Variants in SRPK1 observed in about 807,000 individuals in gnomAD.
SRPK1 encodes SFRS protein kinase 1.
Under a neutral mutation model 89.5 loss-of-function variants are expected in SRPK1, and 52 were observed. The observed-to-expected ratio is 0.58, with a 90% CI of 0.46 to 0.73. The LOEUF (loss-of-function observed/expected upper bound fraction) is 0.73, where lower values mean the gene tolerates loss of function less well. Among genes scored for constraint, SRPK1 ranks in the 30% least tolerant of loss-of-function variants. The pLI is 0.00. For missense variants in SRPK1, 603 were observed against 780.6 expected, an observed-to-expected ratio of 0.77 and a Z score of 2.71; for synonymous variants, 255 against 270.2, an observed-to-expected ratio of 0.94 and a Z score of 0.55.
chr6:35,864,025 T>C (rs1371912183), intron 12 of SRPK1, among the ~76,000 whole-genome samples: 3 of 152,242 alleles, frequency 2.0e-5, no homozygotes, highest in Admixed American at 2.0e-4. Flanking sequence ...TCTCTCGTAA[T>C]ACATAAAAAT....
At chr6:35,879,325 C>T (rs972752909) in intron 6 of SRPK1, among the ~76,000 whole-genome samples, 1 of 152,006 alleles carries the variant, frequency 6.6e-6, no homozygotes, top group African/African-American at 2.4e-5. Flanking sequence ...GGCAGGATGA[C>T]TGCTTGAGCC....
rs574530260 is a variant in SRPK1 at position 35,870,607 on chromosome 6, T to G, written c.778-113A>C. ...TAATTAAATTTCACAAATCTTTCCC[T>G]AACATAGCACTTAAGTCTTTCATTA... On this transcript the variant is annotated intron_variant, in intron 9 of 15. Transcript: ENST00000373825. 8.2e-6 allele frequency: 8 copies of G among 971,680 alleles called. No homozygotes were observed. In the East Asian group the frequency reaches 2.1e-4, roughly 25 times the overall value. The allele number at this position is 971,680 out of a possible 1,614,324, so 60.2% of individuals were successfully genotyped here.
intron 13 of SRPK1, among the ~76,000 whole-genome samples, chr6:35,847,931 G>A (rs1769460241): frequency 6.6e-6 from 1 of 151,758 alleles, no homozygotes; most frequent in African/African-American, 2.4e-5. Context: ...AGCCTCAGGT[G>A]ATTCTCCCAC....
chr6:35,862,413 T>A (rs1465843137), intron 12 of SRPK1, among the ~76,000 whole-genome samples: 1 of 152,108 alleles, frequency 6.6e-6, no homozygotes, highest in Non-Finnish European at 1.5e-5. Flanking sequence ...TGACCCTGTG[T>A]ACTGCCAAAA....
At chr6:35,856,868 C>T (rs1337392054) in intron 13 of SRPK1, 1 of 159,292 alleles carries the variant, frequency 6.3e-6, no homozygotes, top group East Asian at 1.8e-4. Context: ...GCAAAGGTAT[C>T]TGAGGAGCTG....
intron 13 of SRPK1, among the ~76,000 whole-genome samples, chr6:35,853,480 G>C (rs1477119352): frequency 6.6e-6 from 1 of 152,122 alleles, no homozygotes; most frequent in African/African-American, 2.4e-5. Context: ...TCTGCAGGGG[G>C]TCTTAGAACC....
intron 6 of SRPK1, among the ~76,000 whole-genome samples, chr6:35,877,793 C>T (rs1010952644): frequency 6.6e-6 from 1 of 151,304 alleles, no homozygotes; most frequent in African/African-American, 2.4e-5. Context: ...CAGTGAGCAA[C>T]CACTGCACCA....
At chr6:35,877,748 C>CA (rs1163880700) in intron 6 of SRPK1, among the ~76,000 whole-genome samples, 3 of 151,596 alleles carry the variant, frequency 2.0e-5, no homozygotes, top group Non-Finnish European at 2.9e-5. Flanking sequence ...GAGGCTAAGG[C>CA]AGGAGAATCA....
intron 15 of SRPK1, 45 bp downstream of exon 15, chr6:35,838,292 T>C (rs755518215): frequency 2.2e-6 from 3 of 1,378,874 alleles, no homozygotes; most frequent in Non-Finnish European, 2.9e-6. Flanking sequence ...TCTTCATTTT[T>C]AAACACTTCT....
chr6:35,882,445 T>G (rs1307560502), intron 6 of SRPK1, among the ~76,000 whole-genome samples: 1 of 151,996 alleles, frequency 6.6e-6, no homozygotes, highest in African/African-American at 2.4e-5. Flanking sequence ...GCCTCCCAAG[T>G]AGCTGGGACT....
At chr6:35,863,809 G>A (rs1425579007) in intron 12 of SRPK1, among the ~76,000 whole-genome samples, 2 of 152,052 alleles carry the variant, frequency 1.3e-5, no homozygotes, top group African/African-American at 4.8e-5. Flanking sequence ...TCATGTGAAG[G>A]TACAAAACTC....
chr6:35,846,137 T>G (rs531781897), intron 13 of SRPK1, among the ~76,000 whole-genome samples: 1 of 152,156 alleles, frequency 6.6e-6, no homozygotes, highest in East Asian at 1.9e-4. Flanking sequence ...AAAAAATTTC[T>G]AAAGAGGCCA....
chr6:35,878,551 C>T (rs1770206800), intron 6 of SRPK1, among the ~76,000 whole-genome samples: 1 of 152,310 alleles, frequency 6.6e-6, no homozygotes, highest in East Asian at 1.9e-4. Flanking sequence ...GCTCTTAGCA[C>T]AGTGGCAACC....
intron 2 of SRPK1, among the ~76,000 whole-genome samples, chr6:35,907,511 G>C (rs919877269): frequency 6.6e-6 from 1 of 152,066 alleles, no homozygotes; most frequent in African/African-American, 2.4e-5. Context: ...TTCAAGACCA[G>C]CCTGACCAAC....
At chr6:35,865,084 T>TA (rs575593204) in intron 12 of SRPK1, among the ~76,000 whole-genome samples, 1 of 152,082 alleles carries the variant, frequency 6.6e-6, no homozygotes, top group East Asian at 1.9e-4. Flanking sequence ...TTAATGGGTA[T>TA]AAAAAAATTA....
intron 6 of SRPK1, among the ~76,000 whole-genome samples, chr6:35,874,652 C>G (rs973274741): frequency 6.6e-6 from 1 of 152,160 alleles, no homozygotes; most frequent in Non-Finnish European, 1.5e-5. Context: ...GCAGTAGGCT[C>G]AAGCCTCAAG....
At chr6:35,844,005 G>GTTT (rs35051574) in intron 13 of SRPK1, among the ~76,000 whole-genome samples, 18 of 125,678 alleles carry the variant, frequency 1.4e-4, no homozygotes, top group South Asian at 2.6e-4. Flanking sequence ...CACAACAGCA[G>GTTT]TTTTTTTTTT....
chr6:35,920,825 G>C (rs1476316205), intron 1 of SRPK1: 3 of 494,830 alleles, frequency 6.1e-6, no homozygotes, highest in Non-Finnish European at 1.0e-5. Flanking sequence ...GGCCTGGCGG[G>C]GAACAAGGGG....
chr6:35,887,933 T>C, intron 5 of SRPK1, 91 bp downstream of exon 5: 1 of 919,824 alleles, frequency 1.1e-6, no homozygotes. Flanking sequence ...AAATTATCCA[T>C]GCTAAAGAGC....
Sources: gnomAD v4.1 joint callset for allele counts (sites outside exome capture counted in the v4.1 genomes callset) on GRCh38, gnomAD v4.1.1 for gene constraint, MANE v1.5 for transcripts, NCBI Gene and HGNC (gene_info 2026-07-23, HGNC 2026-07-21) for gene names.